The following LIPF variants were observed in gnomAD, a reference collection of about 807,000 sequenced individuals.
LIPF encodes the protein lipase F, gastric type.
A neutral mutation model predicts 38.0 loss-of-function variants in LIPF; 25 were observed. The ratio of observed to expected loss-of-function variants is 0.66; its 90% CI spans 0.48 to 0.92. The LOEUF (loss-of-function observed/expected upper bound fraction) is 0.92, where lower values mean the gene tolerates loss of function less well. LIPF is among the 40% of genes least tolerant of loss of function. The pLI, the probability that LIPF is intolerant of heterozygous loss-of-function variation, is 0.00. For missense variants in LIPF, 410 were observed against 469.9 expected (o/e 0.87, Z 1.18); for synonymous variants, 161 against 156.2 (o/e 1.03, Z -0.23).
intron 8 of LIPF, 41 bp downstream of exon 8, chr10:88,675,698 C>A: frequency 7.0e-7 from 1 of 1,428,050 alleles, no homozygotes; most frequent in South Asian, 1.2e-5. Context: ...TTTTGTGAGT[C>A]TCAACCCTTT....
chr10:88,668,522 T>C (rs752372217), intron 3 of LIPF, 36 bp from the exon 4 acceptor site: 2 of 1,574,064 alleles, frequency 1.3e-6, no homozygotes, highest in Admixed American at 3.3e-5. Flanking sequence ...GAATAAGGAA[T>C]ACATTTATAA....
rs757838855 is a variant in LIPF, at chr10:88,675,595, G to C, written c.826G>C (p.Asp276His). ...DSKNFNTSRL[D>H]VYLSHNPAGT... ...GTCTGTTGATTTCTAGAGTCGCTTG[G>C]ATGTGTATCTATCACATAATCCAGC... Residue 276 changes from aspartate to histidine, a missense_variant, in exon 8 of 10, where the codon GAT (aspartate) becomes CAT (histidine). Asp to His is a moderately conservative substitution (Grantham distance 81, BLOSUM62 -1). Transcript: ENST00000238983. The C allele has an allele frequency of 5.7e-5, 91 of 1,607,096 alleles. No homozygotes were observed. Among genetic ancestry groups the C allele is most frequent in the Non-Finnish European group, 1.7e-6 (2 of 1,174,044 alleles).
chr10:88,669,794 G>A, intron 4 of LIPF, 43 bp from the exon 5 acceptor site: 1 of 1,335,144 alleles, frequency 7.5e-7, no homozygotes, highest in East Asian at 2.3e-5. Flanking sequence ...AGAAACAATA[G>A]CAAGGAAATG....
chr10:88,676,777 C>A (rs1203106408), intron 9 of LIPF, among the ~76,000 whole-genome samples: 1 of 152,146 alleles, frequency 6.6e-6, no homozygotes, highest in Non-Finnish European at 1.5e-5. Context: ...TAGGCAGAGG[C>A]CTTTGGCATA....
rs1183464376 is a variant in LIPF, at chr10:88,669,932, A to G, written c.518A>G (p.Gln173Arg). 6.2e-7 allele frequency: 1 copy of G among 1,609,662 alleles called. No homozygotes were observed. The highest frequency in any genetic ancestry group is 8.5e-7 in the Non-Finnish European group (1 of 1,176,652). ...CAGCTACACTATGTTGGCCATTCCC[A>G]GGGCACCACCATTGGTAAGTAATGG... Reference protein sequence around the residue: ...QKQLHYVGHSQGTTIGFIAFS... With the variant: ...QKQLHYVGHSRGTTIGFIAFS... Residue 173 changes from glutamine to arginine, a missense_variant, in exon 5 of 10, where the codon CAG becomes CGG. By Grantham distance (43) the Gln-to-Arg change is conservative. Transcript: ENST00000238983.
At chr10:88,667,775 C>A (rs770182907) in intron 3 of LIPF, 89 bp downstream of exon 3, 5 of 618,952 alleles carry the variant, frequency 8.1e-6, no homozygotes, top group Non-Finnish European at 1.2e-5. Context: ...CTTCCTCCAA[C>A]TTTTCCTTCT....
rs115389387 is a variant in LIPF, at chr10:88,676,324, T to C, written c.960+44T>C. ...GAATTATTCACATTTTGAACAACAATACTAACTATTTAAATGTTAAAGAAG... is the reference window on the plus strand; with the variant it reads ...GAATTATTCACATTTTGAACAACAACACTAACTATTTAAATGTTAAAGAAG... On this transcript the variant is annotated intron_variant, in intron 9 of 9. Coordinates refer to ENST00000238983, the MANE Select transcript of LIPF (RefSeq NM_004190.4). 1.7e-3 allele frequency: 1,946 copies of C among 1,134,800 alleles called. 24 individuals carry two copies. In the African/African-American group the frequency reaches 0.027, roughly 16 times the overall value. 70.3% of individuals were successfully genotyped at this position (1,134,800 alleles called of 1,614,324 possible). A position where few individuals can be genotyped will look rare whatever the true frequency, so the allele number is the denominator to read the frequency against.
intron 1 of LIPF, among the ~76,000 whole-genome samples, chr10:88,664,745 A>T (rs1301985700): frequency 6.6e-6 from 1 of 152,168 alleles, no homozygotes; most frequent in East Asian, 1.9e-4. Flanking sequence ...AAGTCTCATA[A>T]TTTCTTAACT....
rs1209492707 is a variant in LIPF at position 88,672,668 on chromosome 10, ACACTCT to A, written c.669+705_669+710del. ...CACACACACACACACACACACACACACACTCTCTCTCTCTCTCTCTCTCTTTCCTTT... is the reference window on the plus strand; with the variant it reads ...CACACACACACACACACACACACACACTCTCTCTCTCTCTCTCTTTCCTTT... On this transcript the variant is annotated intron_variant, in intron 6 of 9. Coordinates refer to ENST00000238983, the MANE Select transcript of LIPF (RefSeq NM_004190.4). 8.4e-3 allele frequency among the ~76,000 whole-genome samples: 975 copies of A among 116,496 alleles called. 3 individuals are homozygous for A. The highest frequency in any genetic ancestry group is 0.029 in the East Asian group (119 of 4,118). The allele number at this position is 116,496 out of a possible 152,430, so 76.4% of individuals were successfully genotyped here. A position where few individuals can be genotyped will look rare whatever the true frequency, so the allele number is the denominator to read the frequency against.
At chr10:88,666,599 A>G (rs1387467273) in intron 1 of LIPF, among the ~76,000 whole-genome samples, 1 of 152,132 alleles carries the variant, frequency 6.6e-6, no homozygotes, top group Non-Finnish European at 1.5e-5. Context: ...GCTTATGTCT[A>G]TAATCCCAGT....
At position 88,667,351 on chromosome 10, in the gene LIPF, T is replaced by A; in HGVS notation, c.54T>A (p.His18Gln). The change falls in exon 2 of 10, where the codon CAT (histidine) becomes CAA (glutamine). Residue 18 changes from histidine to glutamine, a missense_variant. Physicochemically the swap from His to Gln is conservative, Grantham distance 24. Coordinates refer to ENST00000238983, the MANE Select transcript of LIPF (RefSeq NM_004190.4). ...TGATATCTGTACTGGGGACTACACA[T>A]GGTTTGTTTGGAAAATTACATCCTG... ...ASLISVLGTT[H>Q]GLFGKLHPGS... 1 of 1,613,608 alleles carries A rather than the reference T, an allele frequency of 6.2e-7. No homozygotes were observed. Among genetic ancestry groups the A allele is most frequent in the East Asian group, 2.2e-5 (1 of 44,862 alleles).
At position 88,667,292 on chromosome 10, in the gene LIPF, T is replaced by C; in HGVS notation, c.-6T>C. ...GGGTTATTCTTTTCTTTCAGGCAGG[T>C]CCAAAATGTGGCTGCTTTTAACAAT... On this transcript the variant is annotated 5_prime_UTR_variant, in exon 2 of 10. Coordinates refer to ENST00000238983, the MANE Select transcript of LIPF (RefSeq NM_004190.4). 1 of 1,592,082 alleles carries C rather than the reference T, an allele frequency of 6.3e-7. No individual in the cohort carries two copies. The highest frequency in any genetic ancestry group is 8.6e-7 in the Non-Finnish European group (1 of 1,161,436).
At position 88,678,558 on chromosome 10, in the gene LIPF, C is replaced by T. The variant is rs1207822005; in HGVS notation, c.1074C>T (p.Leu358=). Residue 358 remains leucine (L), a synonymous_variant, in exon 10 of 10, where the codon CTC becomes CTT. Coordinates refer to ENST00000238983, the MANE Select transcript of LIPF (RefSeq NM_004190.4). ...ATGTTGGCCTTTTGCTTCCAAAACT[C>T]CCCAATCTTATTTACCACAAGGAGA... ...PQDVGLLLPK[L]PNLIYHKEIP... is the part of the protein sequence containing the mutation. 6.2e-7 allele frequency: 1 copy of T among 1,613,992 alleles called. No individual in the cohort carries two copies. The highest frequency in any genetic ancestry group is 1.6e-4 in the Middle Eastern group (1 of 6,062).
At position 88,668,538 on chromosome 10, in the gene LIPF, A is replaced by G. The variant is rs1461278151; in HGVS notation, c.224-20A>G. 1.9e-6 allele frequency: 3 copies of G among 1,609,980 alleles called. No individual in the cohort carries two copies. The highest frequency in any genetic ancestry group is 2.6e-6 in the Non-Finnish European group (3 of 1,176,460). On this transcript the variant is annotated intron_variant, in intron 3 of 9. Transcript: ENST00000238983. Reference sequence around the variant, plus strand: ...AATAAGGAATACATTTATAAAGTTTATAAACATTTTCTTCCTTAGGCCAGA... The same window carrying G: ...AATAAGGAATACATTTATAAAGTTTGTAAACATTTTCTTCCTTAGGCCAGA...
chr10:88,676,493 G>A (rs1323509273), intron 9 of LIPF, among the ~76,000 whole-genome samples: 9 of 152,148 alleles, frequency 5.9e-5, no homozygotes, highest in Admixed American at 5.9e-4. Flanking sequence ...CTACACCCCT[G>A]TGTGTGAGAG....
At chr10:88,664,698 C>A (rs1841486329) in intron 1 of LIPF, among the ~76,000 whole-genome samples, 1 of 152,064 alleles carries the variant, frequency 6.6e-6, no homozygotes. Flanking sequence ...TATGGAATGA[C>A]AAATTTGTTT....
chr10:88,672,416 G>A (rs1841613399), intron 6 of LIPF, among the ~76,000 whole-genome samples: 1 of 152,184 alleles, frequency 6.6e-6, no homozygotes, highest in South Asian at 2.1e-4. Flanking sequence ...GTGATTGAGT[G>A]AGGCAAACAC....
intron 9 of LIPF, 93 bp from the exon 10 acceptor site, chr10:88,678,352 C>T (rs1055259354): frequency 1.9e-5 from 17 of 906,956 alleles, no homozygotes; most frequent in East Asian, 9.7e-5. Flanking sequence ...CTTATAAAAC[C>T]GCCAGTTAAT....
intron 7 of LIPF, 139 bp downstream of exon 7, chr10:88,673,873 A>G: frequency 1.4e-6 from 1 of 693,504 alleles, no homozygotes. Flanking sequence ...AGAAATCACA[A>G]ATCATTGCTC....
Sources: allele counts gnomAD v4.1 joint callset (sites outside exome capture counted in the v4.1 genomes callset), GRCh38; gene constraint gnomAD v4.1.1; transcripts MANE v1.5; gene names NCBI Gene and HGNC (gene_info 2026-07-23, HGNC 2026-07-21).